Variants in WWOX observed in about 807,000 individuals in gnomAD.
WWOX encodes the protein WW domain-containing oxidoreductase.
Under a neutral mutation model 46.2 loss-of-function variants are expected in WWOX, and 69 were observed. The observed-to-expected ratio is 1.49, with a 90% CI of 1.23 to 1.82. WWOX has a LOEUF of 1.82. Among genes scored for constraint, WWOX ranks in the 40% most tolerant of loss-of-function variants. The probability of loss-of-function intolerance (pLI) is 0.00; values close to 1 mark genes in which losing one functional copy is unlikely to be tolerated. For missense variants in WWOX, 919 were observed against 542.6 expected (o/e 1.69, Z -6.89); for synonymous variants, 359 against 202.6 (o/e 1.77, Z -6.56).
intron 8 of WWOX, among the ~76,000 whole-genome samples, chr16:78,683,159 A>G (rs1406285894): frequency 6.6e-6 from 1 of 152,164 alleles, no homozygotes; most frequent in Non-Finnish European, 1.5e-5. Flanking sequence ...GGTAAGGAAA[A>G]CACTGAGTGT....
At chr16:79,193,332 C>G (rs957118198) in intron 8 of WWOX, among the ~76,000 whole-genome samples, 1 of 152,226 alleles carries the variant, frequency 6.6e-6, no homozygotes, top group African/African-American at 2.4e-5. Context: ...CAGAAGATCT[C>G]AGCACTAAGC....
intron 8 of WWOX, among the ~76,000 whole-genome samples, chr16:78,865,272 C>T (rs2043979281): frequency 6.6e-6 from 1 of 151,860 alleles, no homozygotes; most frequent in Non-Finnish European, 1.5e-5. Flanking sequence ...TTCCCTTCTT[C>T]ACTTTCTCTG....
chr16:78,474,380 C>G (rs564565265), intron 8 of WWOX, among the ~76,000 whole-genome samples: 11 of 152,332 alleles, frequency 7.2e-5, no homozygotes, highest in East Asian at 1.9e-4. Context: ...GATGCACTCT[C>G]TAAACCGATC....
At chr16:78,520,061 G>A (rs1403894788) in intron 8 of WWOX, among the ~76,000 whole-genome samples, 1 of 152,030 alleles carries the variant, frequency 6.6e-6, no homozygotes, top group African/African-American at 2.4e-5. Context: ...ACTTATTGAG[G>A]GACATTCACT....
chr16:78,351,568 C>G (rs1345163587), intron 5 of WWOX, among the ~76,000 whole-genome samples: 1 of 152,148 alleles, frequency 6.6e-6, no homozygotes, highest in Non-Finnish European at 1.5e-5. Context: ...TTAACATTCA[C>G]GGATGGCATG....
intron 8 of WWOX, among the ~76,000 whole-genome samples, chr16:79,078,781 C>T (rs895699143): frequency 6.6e-6 from 1 of 152,194 alleles, no homozygotes; most frequent in Non-Finnish European, 1.5e-5. Flanking sequence ...CTTCACTTCT[C>T]TTGGCCTTTA....
At chr16:78,455,259 G>T (rs1343930538) in intron 8 of WWOX, among the ~76,000 whole-genome samples, 6 of 152,128 alleles carry the variant, frequency 3.9e-5, no homozygotes, top group African/African-American at 1.4e-4. Context: ...TTGTAGCTGT[G>T]GCTGGGCTGG....
intron 8 of WWOX, among the ~76,000 whole-genome samples, chr16:78,533,592 A>G (rs2043684165): frequency 6.6e-6 from 1 of 152,166 alleles, no homozygotes; most frequent in Non-Finnish European, 1.5e-5. Flanking sequence ...AGTGGGAGAG[A>G]TCACAAGGTA....
In WWOX at chr16:78,340,589, A is replaced by G. The variant is rs1442287359; in HGVS notation, c.517-46271A>G. Reference sequence around the variant, plus strand: ...AGTAGAATTCAAAGTTACTGCTGCCAACTCTTAGCACATGGCCACGGCCAG... The same window carrying G: ...AGTAGAATTCAAAGTTACTGCTGCCGACTCTTAGCACATGGCCACGGCCAG... On this transcript the variant is annotated intron_variant, in intron 5 of 8. Transcript: ENST00000566780. 1.7e-5 allele frequency among the ~76,000 whole-genome samples: 2 copies of G among 120,684 alleles called. 1 individual carries two copies. The highest frequency in any genetic ancestry group is 4.0e-5 in the Non-Finnish European group (2 of 50,484). 79.2% of individuals were successfully genotyped at this position (120,684 alleles called of 152,430 possible).
At chr16:78,702,879 A>G (rs900699913) in intron 8 of WWOX, among the ~76,000 whole-genome samples, 5 of 152,118 alleles carry the variant, frequency 3.3e-5, no homozygotes, top group African/African-American at 1.2e-4. Context: ...TGCTTTGCTC[A>G]CTGCAGGAGA....
intron 8 of WWOX, among the ~76,000 whole-genome samples, chr16:78,905,413 C>G (rs2044936046): frequency 6.6e-6 from 1 of 152,202 alleles, no homozygotes; most frequent in South Asian, 2.1e-4. Context: ...CAGGCTTTCA[C>G]TCTGTCAGCC....
chr16:79,172,844 A>G (rs1354587350), intron 8 of WWOX, among the ~76,000 whole-genome samples: 2 of 144,172 alleles, frequency 1.4e-5, no homozygotes, highest in African/African-American at 5.3e-5. Context: ...AGGGCAATAT[A>G]GACTACCTGC....
At chr16:78,452,146 G>A (rs1342761682) in intron 8 of WWOX, among the ~76,000 whole-genome samples, 2 of 152,148 alleles carry the variant, frequency 1.3e-5, no homozygotes, top group East Asian at 3.9e-4. Context: ...ATATCCCACA[G>A]AATCTCTTAA....
Position 78,346,414 on chromosome 16 carries a change from C to G in WWOX, c.517-40446C>G, listed in dbSNP as rs1173311197. On this transcript the variant is annotated intron_variant, in intron 5 of 8. Transcript: ENST00000566780. ...CTGTTTTATCTTGGGGGATAATACT[C>G]TGGAGTGGAATGGGCAGGGTGGTCC... 2.6e-5 allele frequency among the ~76,000 whole-genome samples: 2 copies of G among 78,036 alleles called. 1 individual carries two copies. Among genetic ancestry groups the G allele is most frequent in the Non-Finnish European group, 6.0e-5 (2 of 33,396 alleles). 51.2% of individuals were successfully genotyped at this position (78,036 alleles called of 152,430 possible).
At chr16:79,054,677 T>C (rs2048230313) in intron 8 of WWOX, among the ~76,000 whole-genome samples, 2 of 152,072 alleles carry the variant, frequency 1.3e-5, no homozygotes, top group South Asian at 4.2e-4. Flanking sequence ...GAAAAATAAT[T>C]AGCCAGGCGT....
At chr16:78,951,690 C>G (rs1477004755) in intron 8 of WWOX, among the ~76,000 whole-genome samples, 4 of 152,174 alleles carry the variant, frequency 2.6e-5, no homozygotes, top group Admixed American at 1.3e-4. Context: ...GACTGCGGTT[C>G]TACCCAGTAC....
chr16:78,799,188 C>T (rs913524554), intron 8 of WWOX, among the ~76,000 whole-genome samples: 1 of 152,150 alleles, frequency 6.6e-6, no homozygotes, highest in Non-Finnish European at 1.5e-5. Context: ...TAAAACTCTG[C>T]CTTTCTAAAG....
chr16:78,946,545 A>G (rs1567667503), intron 8 of WWOX, among the ~76,000 whole-genome samples: 1 of 152,136 alleles, frequency 6.6e-6, no homozygotes, highest in Non-Finnish European at 1.5e-5. Flanking sequence ...CAAAATGACC[A>G]AACCAGTCTT....
chr16:78,329,679 C>A (rs560035573), intron 5 of WWOX, among the ~76,000 whole-genome samples: 3 of 151,952 alleles, frequency 2.0e-5, no homozygotes, highest in African/African-American at 7.3e-5. Context: ...GTTATTCTTG[C>A]CAATGTAGCC....
Sources: allele counts gnomAD v4.1 joint callset (sites outside exome capture counted in the v4.1 genomes callset), GRCh38; gene constraint gnomAD v4.1.1; transcripts MANE v1.5; gene names NCBI Gene and HGNC (gene_info 2026-07-23, HGNC 2026-07-21).